ASTN2: variants seen among roughly 807,000 people sequenced by gnomAD.
The protein encoded by ASTN2 is astrotactin-2.
Under a neutral mutation model 139.8 loss-of-function variants are expected in ASTN2, and 54 were observed. That is an observed-to-expected ratio of 0.39 (90% CI 0.31 to 0.48). The LOEUF is 0.48. Among genes scored for constraint, ASTN2 ranks in the 20% least tolerant of loss-of-function variants. ASTN2 has a pLI of 0.95. For synonymous variants in ASTN2, 756 were observed against 719.5 expected (o/e 1.05, Z -0.81); for missense variants, 1,565 against 1,725.1 (o/e 0.91, Z 1.64).
chr9:116,932,028 G>A (rs1233744398), intron 10 of ASTN2, among the ~76,000 whole-genome samples: 4 of 152,128 alleles, frequency 2.6e-5, no homozygotes, highest in African/African-American at 9.7e-5. Flanking sequence ...GGGTGGTAGG[G>A]GGAAGGGGTA....
chr9:116,832,219 T>C (rs987340273), intron 11 of ASTN2, among the ~76,000 whole-genome samples: 11 of 152,216 alleles, frequency 7.2e-5, no homozygotes, highest in African/African-American at 2.4e-4. Context: ...AACTTACTAA[T>C]TGCTTCTAGA....
At chr9:117,114,437 G>A (rs939085699) in intron 4 of ASTN2, among the ~76,000 whole-genome samples, 1 of 152,108 alleles carries the variant, frequency 6.6e-6, no homozygotes, top group South Asian at 2.1e-4. Flanking sequence ...AATTCTTCCT[G>A]CAGCTGTCTG....
At chr9:116,523,149 A>C (rs1253853930) in intron 19 of ASTN2, among the ~76,000 whole-genome samples, 3 of 152,118 alleles carry the variant, frequency 2.0e-5, no homozygotes, top group African/African-American at 7.2e-5. Flanking sequence ...ATTAAGATAA[A>C]GCTCAAGAGA....
chr9:117,099,386 T>A (rs1358688001), intron 4 of ASTN2, among the ~76,000 whole-genome samples: 1 of 152,162 alleles, frequency 6.6e-6, no homozygotes, highest in East Asian at 1.9e-4. Context: ...CTCCACTTTA[T>A]CTTCCCTCCC....
At chr9:116,589,170 TAAGA>T (rs777287710) in intron 19 of ASTN2, among the ~76,000 whole-genome samples, 2 of 152,146 alleles carry the variant, frequency 1.3e-5, no homozygotes, top group East Asian at 3.9e-4. Context: ...CTGGTTGCAT[TAAGA>T]AAGGTAGGAG....
chr9:116,924,331 G>T (rs1463867440), intron 10 of ASTN2, among the ~76,000 whole-genome samples: 2 of 150,082 alleles, frequency 1.3e-5, no homozygotes, highest in South Asian at 4.2e-4. Context: ...TCAGGTGGCT[G>T]AGGCAGGAGA....
intron 2 of ASTN2, among the ~76,000 whole-genome samples, chr9:117,233,566 C>T (rs1481387624): frequency 6.6e-6 from 1 of 152,154 alleles, no homozygotes. Flanking sequence ...CATCAAATTA[C>T]AGAGAAAGAC....
At chr9:116,664,016 C>A (rs1858717515) in intron 16 of ASTN2, among the ~76,000 whole-genome samples, 2 of 152,124 alleles carry the variant, frequency 1.3e-5, no homozygotes, top group Non-Finnish European at 2.9e-5. Context: ...ATTGAATATT[C>A]AATTTCTGTT....
intron 4 of ASTN2, among the ~76,000 whole-genome samples, chr9:117,130,621 C>A (rs1222634137): frequency 6.6e-6 from 1 of 152,184 alleles, no homozygotes; most frequent in Non-Finnish European, 1.5e-5. Flanking sequence ...TTTTGTCCAA[C>A]ATTTATTTTG....
chr9:116,704,056 A>G (rs957625888), intron 16 of ASTN2, among the ~76,000 whole-genome samples: 12 of 152,296 alleles, frequency 7.9e-5, no homozygotes, highest in African/African-American at 2.4e-4. Context: ...GGGTCTGGCA[A>G]TGTACTCTAG....
chr9:117,162,100 A>T (rs1588030210), intron 3 of ASTN2, among the ~76,000 whole-genome samples: 1 of 152,096 alleles, frequency 6.6e-6, no homozygotes, highest in Non-Finnish European at 1.5e-5. Flanking sequence ...GAGGTAGATC[A>T]CCCAATAGAT....
chr9:116,502,650 G>A lies in ASTN2; in HGVS notation c.3356-15150C>T, dbSNP rs182911275. Among the ~76,000 whole-genome samples the A allele has an allele frequency of 1.4e-3, 205 of 144,892 alleles. 1 individual carries two copies. The highest frequency in any genetic ancestry group is 2.4e-3 in the Non-Finnish European group (163 of 66,924). On this transcript the variant is annotated intron_variant, in intron 19 of 22. Coordinates refer to ENST00000313400, the MANE Select transcript of ASTN2 (RefSeq NM_001365068.1). ...TCGGGGTCAGAAAGACCAAGACCAA[G>A]GCAAACAAGAAAAACAGAAGGAAGA...
chr9:116,430,666 T>C (rs924212069), intron 22 of ASTN2, among the ~76,000 whole-genome samples: 5 of 152,220 alleles, frequency 3.3e-5, no homozygotes, highest in African/African-American at 9.6e-5. Flanking sequence ...TGTAGGGCTG[T>C]TGTTAGGTTG....
chr9:116,635,596 T>C (rs571059587), intron 17 of ASTN2, among the ~76,000 whole-genome samples: 17 of 152,308 alleles, frequency 1.1e-4, no homozygotes, highest in Admixed American at 3.3e-4. Flanking sequence ...GGAAGCACTG[T>C]AGAGGGATGA....
At chr9:117,219,930 C>T (rs1832459720) in intron 2 of ASTN2, among the ~76,000 whole-genome samples, 1 of 152,166 alleles carries the variant, frequency 6.6e-6, no homozygotes. Flanking sequence ...TGGGGGCATA[C>T]AGGCCAGCAT....
intron 1 of ASTN2, among the ~76,000 whole-genome samples, chr9:117,343,581 G>A (rs1433696802): frequency 1.3e-5 from 2 of 152,170 alleles, no homozygotes; most frequent in African/African-American, 4.8e-5. Flanking sequence ...AACATCCTGT[G>A]AGATAGACAC....
chr9:116,614,178 C>A (rs1247629938), intron 19 of ASTN2, among the ~76,000 whole-genome samples: 1 of 152,086 alleles, frequency 6.6e-6, no homozygotes, highest in African/African-American at 2.4e-5. Context: ...ATGTGAAGGA[C>A]CTCTTCACGA....
chr9:117,384,310 G>A (rs1253140034), intron 1 of ASTN2, among the ~76,000 whole-genome samples: 1 of 152,172 alleles, frequency 6.6e-6, no homozygotes, highest in Non-Finnish European at 1.5e-5. Context: ...AATATTGGAT[G>A]GGATGTTGAT....
At chr9:116,681,880 T>C (rs1588187672) in intron 16 of ASTN2, among the ~76,000 whole-genome samples, 1 of 150,724 alleles carries the variant, frequency 6.6e-6, no homozygotes, top group Admixed American at 6.6e-5. Flanking sequence ...TAATTCAAGA[T>C]GGATTAAAGA....
Sources: allele counts gnomAD v4.1 joint callset (sites outside exome capture counted in the v4.1 genomes callset), GRCh38; gene constraint gnomAD v4.1.1; transcripts MANE v1.5; gene names NCBI Gene and HGNC (gene_info 2026-07-23, HGNC 2026-07-21).